USH1C: variants seen among roughly 807,000 people sequenced by gnomAD.
USH1C encodes the protein harmonin.
USH1C carries 90 observed loss-of-function variants against 119.3 expected under a neutral mutation model. That is an observed-to-expected ratio of 0.75 (90% CI 0.64 to 0.90). The LOEUF (loss-of-function observed/expected upper bound fraction) is 0.90, where lower values mean the gene tolerates loss of function less well. USH1C is among the 40% of genes least tolerant of loss of function. USH1C has a pLI of 0.00. For missense variants in USH1C, 1,165 were observed against 1,167.7 expected (o/e 1.00, Z 0.03); for synonymous variants, 465 against 443.3 (o/e 1.05, Z -0.62).
At chr11:17,536,107 G>A (rs1851222338) in intron 1 of USH1C, among the ~76,000 whole-genome samples, 1 of 152,176 alleles carries the variant, frequency 6.6e-6, no homozygotes, top group African/African-American at 2.4e-5. Flanking sequence ...GTGAGAAAAT[G>A]GGACATCTTT....
intron 23 of USH1C, among the ~76,000 whole-genome samples, chr11:17,500,043 A>G (rs75969026): frequency 0.061 from 9,348 of 152,288 alleles, 945 homozygotes; most frequent in African/African-American, 0.21. Context: ...TGGAAGAAGA[A>G]ATCACCAATG....
At position 17,494,393 on chromosome 11, in the gene USH1C, A is replaced by C. The variant is rs768779516; in HGVS notation, c.2656-17T>G. 6.3e-7 allele frequency: 1 copy of C among 1,590,372 alleles called. No homozygotes were observed. The highest frequency in any genetic ancestry group is 1.1e-5 in the South Asian group (1 of 87,230). ...AAGAAGGTCCTGCAGGGAAGTGGAA[A>C]CAGCCCAGGTGGATACAGGCTTTGT... is the stretch of plus-strand genomic sequence containing the variant. On this transcript the variant is annotated splice_polypyrimidine_tract_variant and intron_variant, in intron 26 of 26. Coordinates refer to ENST00000005226, the MANE Select transcript of USH1C (RefSeq NM_153676.4).
Position 17,520,964 on chromosome 11 carries a change from C to T in USH1C, c.1116G>A (p.Lys372=), listed in dbSNP as rs367623689. ...TTGAGCCCCAGTCTTCTTCCCATTGCTTCTTAAACTTCTCTTCCTCCTCTA... is the reference window on the plus strand; with the variant it reads ...TTGAGCCCCAGTCTTCTTCCCATTGTTTCTTAAACTTCTCTTCCTCCTCTA... ...QIVEEEEKFK[K]QWEEDWGSKE... is the part of the protein sequence containing the mutation. The change falls in exon 14 of 27, where the codon AAG becomes AAA. Residue 372 remains lysine (K), a synonymous_variant. Coordinates refer to ENST00000005226, the MANE Select transcript of USH1C (RefSeq NM_153676.4). 42 of 1,614,010 alleles carry T rather than the reference C, an allele frequency of 2.6e-5. No individual in the cohort carries two copies. In the African/African-American group the frequency reaches 4.9e-4, roughly 19 times the overall value.
intron 23 of USH1C, among the ~76,000 whole-genome samples, chr11:17,499,336 T>G (rs1849355002): frequency 6.6e-6 from 1 of 152,200 alleles, no homozygotes; most frequent in South Asian, 2.1e-4. Context: ...TAGGGAAGCT[T>G]CATCAGTGAC....
chr11:17,503,857 G>A (rs1323027971), intron 20 of USH1C, among the ~76,000 whole-genome samples: 2 of 152,184 alleles, frequency 1.3e-5, no homozygotes, highest in African/African-American at 4.8e-5. Context: ...CAAATCCTTG[G>A]GCTGGGAGCA....
Position 17,509,809 on chromosome 11 carries a change from A to T in USH1C, c.1560T>A (p.Pro520=). ...EMTTGPPPPP[P]SVSPLAPPLR... ...AGGGTGGGGCCAGGGGAGACACAGA[A>T]GGCGGGGGAGGCGGGGGCCCTGTGG... The change falls in exon 18 of 27, where the codon CCT becomes CCA. Residue 520 remains proline, a synonymous_variant. Coordinates refer to ENST00000005226, the MANE Select transcript of USH1C (RefSeq NM_153676.4). 2.1e-6 allele frequency: 3 copies of T among 1,446,248 alleles called. No homozygotes were observed. Among genetic ancestry groups the T allele is most frequent in the Non-Finnish European group, 2.8e-6 (3 of 1,086,528 alleles). The allele number at this position is 1,446,248 out of a possible 1,614,324, so 89.6% of individuals were successfully genotyped here. A position where few individuals can be genotyped will look rare whatever the true frequency, so the allele number is the denominator to read the frequency against.
intron 16 of USH1C, 152 bp downstream of exon 16, chr11:17,511,750 C>G (rs1849900652): frequency 2.2e-6 from 2 of 889,144 alleles, no homozygotes; most frequent in Admixed American, 5.6e-5. Context: ...GTGGCATGAT[C>G]TCTCTCTCCA....
chr11:17,517,820 G>A (rs535599531), intron 14 of USH1C, among the ~76,000 whole-genome samples: 42 of 152,348 alleles, frequency 2.8e-4, no homozygotes, highest in African/African-American at 7.9e-4. Context: ...AATCGCACAC[G>A]TTTGAGGGCA....
chr11:17,526,902 C>G, intron 6 of USH1C, 92 bp from the exon 7 acceptor site: 1 of 1,580,860 alleles, frequency 6.3e-7, no homozygotes, highest in Non-Finnish European at 8.6e-7. Context: ...TCTAGAGCCT[C>G]CAGCCTCCAC....
At chr11:17,524,638 T>C (rs1475885675) in intron 8 of USH1C, 103 bp from the exon 9 acceptor site, 4 of 1,272,258 alleles carry the variant, frequency 3.1e-6, no homozygotes, top group African/African-American at 1.5e-5. Flanking sequence ...CTTGACTGCC[T>C]ACCTCTTCAG....
At chr11:17,496,599 C>T (rs952112261) in intron 25 of USH1C, among the ~76,000 whole-genome samples, 159 bp downstream of exon 25, 1 of 152,216 alleles carries the variant, frequency 6.6e-6, no homozygotes, top group African/African-American at 2.4e-5. Flanking sequence ...AATGACTTGG[C>T]TCTAGTCCAG....
At chr11:17,522,976 T>C (rs749390522) in intron 11 of USH1C, 50 bp from the exon 12 acceptor site, 167 of 1,598,436 alleles carry the variant, frequency 1.0e-4, no homozygotes, top group Non-Finnish European at 1.3e-4. Flanking sequence ...AACCTGGGGA[T>C]CCCCTGACAC....
intron 2 of USH1C, among the ~76,000 whole-genome samples, chr11:17,532,108 C>T (rs929928586): frequency 3.3e-5 from 5 of 152,198 alleles, no homozygotes; most frequent in Non-Finnish European, 5.9e-5. Context: ...CAAGGCCCTC[C>T]ATGACCTGTC....
At chr11:17,505,809 G>C in intron 19 of USH1C, 21 bp downstream of exon 19, 1 of 1,613,878 alleles carries the variant, frequency 6.2e-7, no homozygotes, top group Non-Finnish European at 8.5e-7. Flanking sequence ...AGACAACCTG[G>C]AGGGGACCCA....
chr11:17,509,773 G>A lies in USH1C; in HGVS notation c.1596C>T (p.Phe532=), dbSNP rs769982878. The A allele has an allele frequency of 2.2e-5, 36 of 1,600,856 alleles. No homozygotes were observed. The highest frequency in any genetic ancestry group is 1.6e-4 in the Middle Eastern group (1 of 6,078). The change falls in exon 18 of 27, where the codon TTC becomes TTT. Residue 532 remains phenylalanine, a synonymous_variant. Coordinates refer to ENST00000005226, the MANE Select transcript of USH1C (RefSeq NM_153676.4). The stretch of plus-strand genomic sequence containing the variant: ...TGGTGTGCAGGTGCAGTCCGCCTGC[G>A]AAGCGTCTCAAGGGTGGGGCCAGGG... ...VSPLAPPLRR[F]AGGLHLHTTD...
At chr11:17,521,017 G>C in intron 13 of USH1C, 23 bp from the exon 14 acceptor site, 1 of 1,613,778 alleles carries the variant, frequency 6.2e-7, no homozygotes, top group African/African-American at 1.3e-5. Context: ...CCCCATGCCT[G>C]TTACTGGAGT....
At chr11:17,516,154 T>C in intron 15 of USH1C, 87 bp downstream of exon 15, 1 of 1,424,444 alleles carries the variant, frequency 7.0e-7, no homozygotes, top group East Asian at 2.3e-5. Flanking sequence ...CACCATTTAG[T>C]GTTGATAGGA....
intron 26 of USH1C, 173 bp from the exon 27 acceptor site, chr11:17,494,549 C>T (rs1849178452): frequency 2.8e-6 from 2 of 705,024 alleles, no homozygotes; most frequent in Admixed American, 2.1e-5. Context: ...CAGCCACAGC[C>T]ACAGCACACA....
rs1850991526 is a variant in USH1C, at chr11:17,531,660, A to C, written c.105-118T>G. On this transcript the variant is annotated intron_variant, in intron 2 of 26. Coordinates refer to ENST00000005226, the MANE Select transcript of USH1C (RefSeq NM_153676.4). The surrounding 1 kb of genome is among the most constrained non-coding windows in gnomAD (Gnocchi z 4.2). ...CCCAGGCTTAGGAATGGAGTAGACCACTCCTGAAAAGCCCAGAGCTCTTCA... is the reference window on the plus strand; with the variant it reads ...CCCAGGCTTAGGAATGGAGTAGACCCCTCCTGAAAAGCCCAGAGCTCTTCA... 4.4e-6 allele frequency: 6 copies of C among 1,354,968 alleles called. No homozygotes were observed. The Admixed American group carries it at 5.9e-5, about 13-fold the overall frequency. 83.9% of individuals were successfully genotyped at this position (1,354,968 alleles called of 1,614,324 possible). A position where few individuals can be genotyped will look rare whatever the true frequency, so the allele number is the denominator to read the frequency against.
Sources: gnomAD v4.1 joint callset for allele counts (sites outside exome capture counted in the v4.1 genomes callset) on GRCh38, gnomAD v4.1.1 for gene constraint, Gnocchi (gnomAD v3.1) non-coding constraint, MANE v1.5 for transcripts, NCBI Gene and HGNC (gene_info 2026-07-23, HGNC 2026-07-21) for gene names.